Variants in TMC8 observed in about 807,000 individuals in gnomAD.
The protein encoded by TMC8 is transmembrane channel like 8, also known as transmembrane channel-like protein 8.
A neutral mutation model predicts 76.0 loss-of-function variants in TMC8; 71 were observed. That is an observed-to-expected ratio of 0.93 (90% CI 0.77 to 1.14). The LOEUF (loss-of-function observed/expected upper bound fraction) is 1.14. Among genes scored for constraint, TMC8 ranks in the 50% most tolerant of loss-of-function variants. TMC8 has a pLI of 0.00. For missense variants in TMC8, 924 were observed against 947.9 expected, an observed-to-expected ratio of 0.97 and a Z score of 0.33; for synonymous variants, 433 against 433.8, an observed-to-expected ratio of 1.00 and a Z score of 0.02.
Position 78,131,438 on chromosome 17 carries a change from C to T in TMC8, c.-151C>T, listed in dbSNP as rs1568010833. The T allele has an allele frequency of 1.8e-6, 2 of 1,120,616 alleles. No individual in the cohort carries two copies. The highest frequency in any genetic ancestry group is 2.7e-5 in the South Asian group (2 of 72,878). 69.4% of individuals were successfully genotyped at this position (1,120,616 alleles called of 1,614,324 possible). The stretch of plus-strand genomic sequence containing the variant: ...AACCCTAGGGCTGCAGGAGCCCAGG[C>T]CCCGACGCCGGCGCAGAGGGGACGG... On this transcript the variant is annotated 5_prime_UTR_variant, in exon 2 of 16. Transcript: ENST00000318430.
At position 78,138,593 on chromosome 17, in the gene TMC8, T is replaced by C; in HGVS notation, c.1684T>C (p.Cys562Arg). ...VVSSIHSSWD[C>R]GLFTNYSAPW... ...CGCCAGCATCCACTCCTCCTGGGAC[T>C]GCGGCCTCTTCACCAACTACTCAGC... Residue 562 changes from cysteine (C) to arginine (R), a missense_variant, in exon 14 of 16, where the codon TGC becomes CGC. Transcript: ENST00000318430. 2 of 1,613,920 alleles carry C rather than the reference T, an allele frequency of 1.2e-6. No homozygotes were observed. Among genetic ancestry groups the C allele is most frequent in the Non-Finnish European group, 1.7e-6 (2 of 1,180,028 alleles).
At chr17:78,133,371 T>C (rs1312612041) in intron 5 of TMC8, 35 bp from the exon 6 acceptor site, 1 of 1,613,348 alleles carries the variant, frequency 6.2e-7, no homozygotes, top group African/African-American at 1.3e-5. Context: ...AGCCTGGTGC[T>C]CACCCGGGCT....
intron 13 of TMC8, 22 bp from the exon 14 acceptor site, chr17:78,138,552 C>T (rs1483104535): frequency 6.2e-7 from 1 of 1,613,734 alleles, no homozygotes; most frequent in Non-Finnish European, 8.5e-7. Context: ...GATGCCAGCC[C>T]CACTTGGCCA....
At chr17:78,139,055 G>T (rs971553960) in intron 14 of TMC8, 107 bp from the exon 15 acceptor site, 8 of 1,583,154 alleles carry the variant, frequency 5.1e-6, no homozygotes, top group Non-Finnish European at 6.9e-6. Context: ...GCAGTGAGAA[G>T]ACCCCAGTAC....
intron 5 of TMC8, among the ~76,000 whole-genome samples, 155 bp from the exon 6 acceptor site, chr17:78,133,251 G>A (rs1301863201): frequency 6.6e-6 from 1 of 152,176 alleles, no homozygotes; most frequent in Admixed American, 6.5e-5. Flanking sequence ...CCCTGTGACC[G>A]TGGGCACGTT....
intron 5 of TMC8, 33 bp from the exon 6 acceptor site, chr17:78,133,373 A>G: frequency 6.2e-7 from 1 of 1,613,458 alleles, no homozygotes; most frequent in South Asian, 1.1e-5. Flanking sequence ...CCTGGTGCTC[A>G]CCCGGGCTGG....
intron 7 of TMC8, 100 bp downstream of exon 7, chr17:78,134,100 C>T (rs1054579828): frequency 1.4e-5 from 22 of 1,550,344 alleles, no homozygotes; most frequent in Admixed American, 5.0e-5. Context: ...CAAGTGCGAC[C>T]GTGCCAGTGT....
At chr17:78,136,205 G>A (rs886393929) in intron 9 of TMC8, among the ~76,000 whole-genome samples, 1 of 152,218 alleles carries the variant, frequency 6.6e-6, no homozygotes, top group Non-Finnish European at 1.5e-5. Context: ...ACTCACGCCT[G>A]TAAAGGCCAA....
At position 78,132,007 on chromosome 17, in the gene TMC8, AG is replaced by A; in HGVS notation, c.280del (p.Ala94ArgfsTer29). ...QRLARGLGLW[E>X]GALYEIGGLF... is the part of the protein sequence containing the mutation. ...CTGGCCCGGGGCCTTGGGCTCTGGG[AG>A]GGGGCGCTCTACGAGATCGGGGGTA... On this transcript the variant is annotated frameshift_variant, in exon 3 of 16. Coordinates refer to ENST00000318430, the MANE Select transcript of TMC8 (RefSeq NM_152468.5). LOFTEE classifies it high-confidence loss of function. 1.3e-6 allele frequency: 2 copies of A among 1,532,744 alleles called. No individual in the cohort carries two copies. Among genetic ancestry groups the A allele is most frequent in the South Asian group, 1.2e-5 (1 of 83,928 alleles). The allele number at this position is 1,532,744 out of a possible 1,614,324, so 94.9% of individuals were successfully genotyped here. A position where few individuals can be genotyped will look rare whatever the true frequency, so the allele number is the denominator to read the frequency against.
rs772703811 is a variant in TMC8 at position 78,138,621 on chromosome 17, C to T, written c.1712C>T (p.Pro571Leu). Reference protein sequence around the residue: ...DCGLFTNYSAPWQVVPELVAL... With the variant: ...DCGLFTNYSALWQVVPELVAL... ...GGCCTCTTCACCAACTACTCAGCAC[C>T]CTGGCAAGTGGTCCCGGAGCTGGTG... Residue 571 changes from proline to leucine, a missense_variant, in exon 14 of 16, where the codon CCC becomes CTC. Coordinates refer to ENST00000318430, the MANE Select transcript of TMC8 (RefSeq NM_152468.5). The T allele has an allele frequency of 5.6e-6, 9 of 1,613,866 alleles. No homozygotes were observed. The African/African-American group carries it at 8.0e-5, about 14-fold the overall frequency.
Position 78,131,270 on chromosome 17 carries a change from C to T in TMC8, c.-308-11C>T, listed in dbSNP as rs778280959. ...TTCTGTGCCCTTTGGATCTTTCACCCCATTTGACAGATGGGGAGACTGAGG... is the reference window on the plus strand; with the variant it reads ...TTCTGTGCCCTTTGGATCTTTCACCTCATTTGACAGATGGGGAGACTGAGG... On this transcript the variant is annotated splice_polypyrimidine_tract_variant and intron_variant, in intron 1 of 15. Coordinates refer to ENST00000318430, the MANE Select transcript of TMC8 (RefSeq NM_152468.5). 1 of 496,166 alleles carries T rather than the reference C, an allele frequency of 2.0e-6. No homozygotes were observed. The highest frequency in any genetic ancestry group is 3.7e-6 in the Non-Finnish European group (1 of 271,372). The allele number at this position is 496,166 out of a possible 1,614,324, so 30.7% of individuals were successfully genotyped here. A position where few individuals can be genotyped will look rare whatever the true frequency, so the allele number is the denominator to read the frequency against.
chr17:78,132,596 G>C (rs992855137), intron 4 of TMC8, 88 bp downstream of exon 4: 2 of 1,543,084 alleles, frequency 1.3e-6, no homozygotes, highest in African/African-American at 2.7e-5. Flanking sequence ...TGGCGACAAC[G>C]CTGGGCGTGG....
In TMC8 at chr17:78,141,105, A is replaced by C. The variant is rs1429508455; in HGVS notation, c.2174A>C (p.Glu725Ala). Reference protein sequence around the residue: ...ARRFRFPSGAEL With the variant: ...ARRFRFPSGAAL Reference sequence around the variant, plus strand: ...AGATTCCGCTTCCCCAGCGGCGCGGAGCTGTAACCCCTACCCCTGCCTCCC... The same window carrying C: ...AGATTCCGCTTCCCCAGCGGCGCGGCGCTGTAACCCCTACCCCTGCCTCCC... Residue 725 changes from glutamate (E) to alanine (A), a missense_variant, in exon 16 of 16, where the codon GAG becomes GCG. Coordinates refer to ENST00000318430, the MANE Select transcript of TMC8 (RefSeq NM_152468.5). 6.4e-7 allele frequency: 1 copy of C among 1,570,330 alleles called. No homozygotes were observed. The highest frequency in any genetic ancestry group is 8.6e-7 in the Non-Finnish European group (1 of 1,164,482).
intron 3 of TMC8, 56 bp from the exon 4 acceptor site, chr17:78,132,303 G>T (rs1173126511): frequency 1.9e-6 from 3 of 1,602,058 alleles, no homozygotes; most frequent in Non-Finnish European, 2.6e-6. Flanking sequence ...TGGACTCTCA[G>T]CGCGGCCCCA....
chr17:78,139,655 C>A (rs746223208), intron 15 of TMC8, among the ~76,000 whole-genome samples: 3 of 149,210 alleles, frequency 2.0e-5, no homozygotes, highest in Non-Finnish European at 3.0e-5. Context: ...TTTCAGAGGC[C>A]GAGGTGGGTG....
intron 9 of TMC8, 69 bp from the exon 10 acceptor site, chr17:78,137,166 C>CTA: frequency 6.2e-7 from 1 of 1,602,270 alleles, no homozygotes; most frequent in Non-Finnish European, 8.5e-7. Context: ...TCAGCCACAC[C>CTA]TATAGCCTGG....
chr17:78,131,194 G>T (rs2074954865), intron 1 of TMC8, 87 bp from the exon 2 acceptor site: 15 of 344,206 alleles, frequency 4.4e-5, no homozygotes, highest in South Asian at 3.7e-4. Context: ...GGCACAGGTG[G>T]ATGCGGGGTG....
rs566840582 is a variant in TMC8 at position 78,131,321 on chromosome 17, T to G, written c.-268T>G. On this transcript the variant is annotated 5_prime_UTR_variant, in exon 2 of 16. Coordinates refer to ENST00000318430, the MANE Select transcript of TMC8 (RefSeq NM_152468.5). ...CCGTGGCTGTGTGTCCCTCTGAGAG[T>G]TGGAGCGGGGCTGGGCCCGAATTCG... 270 of 570,056 alleles carry G rather than the reference T, an allele frequency of 4.7e-4. No homozygotes were observed. The highest frequency in any genetic ancestry group is 4.6e-3 in the African/African-American group (243 of 52,956). The allele number at this position is 570,056 out of a possible 1,614,324, so 35.3% of individuals were successfully genotyped here.
At chr17:78,132,994 C>T in intron 5 of TMC8, 124 bp downstream of exon 5, 1 of 1,114,832 alleles carries the variant, frequency 9.0e-7, no homozygotes. Context: ...AGGGGATGGT[C>T]TTACCTAGAC....
Sources: allele counts gnomAD v4.1 joint callset (sites outside exome capture counted in the v4.1 genomes callset), GRCh38; gene constraint gnomAD v4.1.1; transcripts MANE v1.5; gene names NCBI Gene and HGNC (gene_info 2026-07-23, HGNC 2026-07-21).